The following GRSF1 variants were observed in gnomAD, a reference collection of about 807,000 sequenced individuals.
The protein encoded by GRSF1 is G-rich sequence factor 1.
GRSF1 carries 50 observed loss-of-function variants against 51.1 expected under a neutral mutation model. The ratio of observed to expected loss-of-function variants is 0.98; its 90% CI spans 0.78 to 1.24. The LOEUF is 1.24. GRSF1 is among the 50% of genes most tolerant of loss of function. The probability of loss-of-function intolerance (pLI) is 0.00; values close to 1 mark genes in which losing one functional copy is unlikely to be tolerated. For missense variants in GRSF1, 700 were observed against 639.7 expected (o/e 1.09, Z -1.02); for synonymous variants, 293 against 253.3 (o/e 1.16, Z -1.49).
intron 7 of GRSF1, chr4:70,825,838 G>C (rs186863497): frequency 6.0e-6 from 2 of 331,400 alleles, no homozygotes; most frequent in African/African-American, 4.5e-5. Context: ...AGACCAAGGC[G>C]GAAGAAATGC....
In GRSF1 at chr4:70,820,723, C is replaced by A. The variant is rs1733465233; in HGVS notation, c.*164G>T. The stretch of plus-strand genomic sequence containing the variant: ...TGGATCTTTCATTTCTTCTTCTAAA[C>A]AGTCCACTATGAAACTTTTCTTAGA... On this transcript the variant is annotated 3_prime_UTR_variant, in exon 10 of 10. Transcript: ENST00000254799. 1 of 152,604 alleles carries A rather than the reference C, an allele frequency of 6.6e-6. No individual in the cohort carries two copies. The highest frequency in any genetic ancestry group is 1.5e-5 in the Non-Finnish European group (1 of 68,042). 9.5% of individuals were successfully genotyped at this position (152,604 alleles called of 1,614,324 possible).
chr4:70,832,906 CCACTGCACT>C (rs1734041395), intron 3 of GRSF1, among the ~76,000 whole-genome samples: 1 of 152,196 alleles, frequency 6.6e-6, no homozygotes, highest in Non-Finnish European at 1.5e-5. Flanking sequence ...TGAAATCGCA[CCACTGCACT>C]CCAGCCTGGG....
chr4:70,833,239 A>C lies in GRSF1; in HGVS notation c.549T>G (p.His183Gln). The change falls in exon 3 of 10, where the codon CAT becomes CAG. Residue 183 changes from histidine to glutamine, a missense_variant. Transcript: ENST00000254799. ...CRIRNGENGI[H>Q]FLLNRDGKRR... ...GTTTCCCATCTCTGTTTAGGAGAAA[A>C]TGTATTCCATTCTCACCGTTGCGGA... 1 of 1,613,886 alleles carries C rather than the reference A, an allele frequency of 6.2e-7. No individual in the cohort carries two copies. Among genetic ancestry groups the C allele is most frequent in the Non-Finnish European group, 8.5e-7 (1 of 1,179,806 alleles).
At chr4:70,838,763 A>C (rs1214506178) in intron 1 of GRSF1, 1 of 157,692 alleles carries the variant, frequency 6.3e-6, no homozygotes, top group Admixed American at 6.5e-5. Context: ...TGGGACCCCA[A>C]GTTGTGTCCT....
rs942701368 is a variant in GRSF1 at position 70,818,466 on chromosome 4, C to T, written c.*2421G>A. 1 of 152,156 alleles carries T rather than the reference C, an allele frequency of 6.6e-6. No individual in the cohort carries two copies. The highest frequency in any genetic ancestry group is 1.5e-5 in the Non-Finnish European group (1 of 68,040). 9.4% of individuals were successfully genotyped at this position (152,156 alleles called of 1,614,324 possible). A position where few individuals can be genotyped will look rare whatever the true frequency, so the allele number is the denominator to read the frequency against. On this transcript the variant is annotated 3_prime_UTR_variant, in exon 10 of 10. Transcript: ENST00000254799. ...CTTATGCTTCCCCCTTCAAGTAACA[C>T]AGAAGTAGTGAGAATTTGGAGCCTT...
intron 8 of GRSF1, 46 bp downstream of exon 8, chr4:70,825,248 CAA>C: frequency 6.7e-7 from 1 of 1,491,454 alleles, no homozygotes; most frequent in Non-Finnish European, 9.1e-7. Flanking sequence ...TATTTGTAAG[CAA>C]AGACAAGCAT....
At chr4:70,830,138 G>C (rs747096683) in intron 5 of GRSF1, among the ~76,000 whole-genome samples, 1 of 152,112 alleles carries the variant, frequency 6.6e-6, no homozygotes, top group African/African-American at 2.4e-5. Flanking sequence ...TAGTTCAAGA[G>C]AATCAGTGGT....
chr4:70,822,092 A>C lies in GRSF1; in HGVS notation c.*26-1231T>G, dbSNP rs190188423. ...TACAATACCTTATGGGAAAAAAAAA[A>C]GACACCATATATTTAATCGAGGCAA... On this transcript the variant is annotated intron_variant, in intron 9 of 9. Transcript: ENST00000254799. 2.7e-3 allele frequency among the ~76,000 whole-genome samples: 415 copies of C among 152,314 alleles called. 1 individual carries two copies. The highest frequency in any genetic ancestry group is 4.7e-3 in the Non-Finnish European group (319 of 68,022).
intron 1 of GRSF1, among the ~76,000 whole-genome samples, chr4:70,838,219 CAAAAAAAAAAA>C (rs35303311): frequency 1.1e-5 from 1 of 94,626 alleles, no homozygotes; most frequent in Non-Finnish European, 1.9e-5. Context: ...ACTCGGTCTC[CAAAAAAAAAAA>C]AAAAAAAAGG....
In GRSF1 at chr4:70,816,195, T is replaced by G. The variant is rs1273065357; in HGVS notation, c.*4692A>C. On this transcript the variant is annotated 3_prime_UTR_variant, in exon 10 of 10. Coordinates refer to ENST00000254799, the MANE Select transcript of GRSF1 (RefSeq NM_002092.4). ...TTACATGCTTTTACATCAAAACTCA[T>G]CAAATGAGTCTGGGTATGGTGGCTC... 6.6e-6 allele frequency: 1 copy of G among 151,752 alleles called. No individual in the cohort carries two copies. Among genetic ancestry groups the G allele is most frequent in the Non-Finnish European group, 1.5e-5 (1 of 67,950 alleles). 9.4% of individuals were successfully genotyped at this position (151,752 alleles called of 1,614,324 possible).
chr4:70,824,012 C>T (rs1733634097), intron 9 of GRSF1, among the ~76,000 whole-genome samples: 1 of 105,918 alleles, frequency 9.4e-6, no homozygotes, highest in African/African-American at 3.4e-5. Flanking sequence ...GCTCTGTTGC[C>T]CAGGCTGGAG....
chr4:70,834,354 C>A (rs764217402), intron 2 of GRSF1, among the ~76,000 whole-genome samples: 4 of 151,788 alleles, frequency 2.6e-5, no homozygotes, highest in African/African-American at 9.7e-5. Flanking sequence ...ATTAAGGGAA[C>A]TTTATTCCTT....
chr4:70,821,106 GAATTGT>G (rs1733477737), intron 9 of GRSF1, among the ~76,000 whole-genome samples: 1 of 152,146 alleles, frequency 6.6e-6, no homozygotes, highest in South Asian at 2.1e-4. Flanking sequence ...TAACACCAAA[GAATTGT>G]GGGACTTCAT....
At chr4:70,826,015 C>A in intron 7 of GRSF1, 109 bp downstream of exon 7, 1 of 890,536 alleles carries the variant, frequency 1.1e-6, no homozygotes, top group Admixed American at 2.6e-5. Flanking sequence ...TCTTACTATC[C>A]AACGCAGAAA....
At chr4:70,841,659 G>T (rs1257044156), upstream of GRSF1, among the ~76,000 whole-genome samples, 1 of 152,066 alleles carries the variant, frequency 6.6e-6, no homozygotes, top group East Asian at 1.9e-4. Context: ...AAAGCAATGG[G>T]TATTACATTT....
At position 70,820,270 on chromosome 4, in the gene GRSF1, G is replaced by A. The variant is rs1733450995; in HGVS notation, c.*617C>T. ...CTTAGAAAGGCAAAACATTTCTAAA[G>A]ACATAAAACCGCCAAATTGTCATTT... On this transcript the variant is annotated 3_prime_UTR_variant, in exon 10 of 10. Coordinates refer to ENST00000254799, the MANE Select transcript of GRSF1 (RefSeq NM_002092.4). 1 of 152,602 alleles carries A rather than the reference G, an allele frequency of 6.6e-6. No individual in the cohort carries two copies. Among genetic ancestry groups the A allele is most frequent in the Admixed American group, 6.5e-5 (1 of 15,280 alleles). 9.5% of individuals were successfully genotyped at this position (152,602 alleles called of 1,614,324 possible).
At chr4:70,836,375 A>T (rs1734210988) in intron 1 of GRSF1, 61 bp from the exon 2 acceptor site, 2 of 1,233,904 alleles carry the variant, frequency 1.6e-6, no homozygotes, top group South Asian at 1.6e-5. Flanking sequence ...AATGTAAAAA[A>T]ATTCTTAGAA....
At chr4:70,828,519 T>C (rs1300951365) in intron 5 of GRSF1, among the ~76,000 whole-genome samples, 11 of 128,634 alleles carry the variant, frequency 8.6e-5, no homozygotes, top group Non-Finnish European at 1.8e-4. Flanking sequence ...TAAGTATCAA[T>C]TATGACTTGC....
chr4:70,832,858 G>A (rs1005445781), intron 3 of GRSF1, among the ~76,000 whole-genome samples: 1 of 152,206 alleles, frequency 6.6e-6, no homozygotes, highest in Non-Finnish European at 1.5e-5. Context: ...TGAGACAGGA[G>A]AATTGCTTGA....
Sources: gnomAD v4.1 joint callset for allele counts (sites outside exome capture counted in the v4.1 genomes callset) on GRCh38, gnomAD v4.1.1 for gene constraint, MANE v1.5 for transcripts, NCBI Gene and HGNC (gene_info 2026-07-23, HGNC 2026-07-21) for gene names.